The following LMBR1 variants were observed in gnomAD, a reference collection of about 807,000 sequenced individuals.
LMBR1 encodes the protein limb development membrane protein 1, also known as limb region 1 protein homolog.
Under a neutral mutation model 73.9 loss-of-function variants are expected in LMBR1, and 52 were observed. The observed-to-expected ratio is 0.70, with a 90% CI of 0.56 to 0.89. The LOEUF (loss-of-function observed/expected upper bound fraction) is 0.89, where lower values mean the gene tolerates loss of function less well. LMBR1 is among the 40% of genes least tolerant of loss of function. The pLI, the probability that LMBR1 is intolerant of heterozygous loss-of-function variation, is 0.00. For missense variants in LMBR1, 539 were observed against 579.8 expected (o/e 0.93, Z 0.72); for synonymous variants, 215 against 209.4 (o/e 1.03, Z -0.23).
intron 1 of LMBR1, among the ~76,000 whole-genome samples, chr7:156,852,840 T>C (rs910541896): frequency 2.6e-5 from 4 of 152,192 alleles, no homozygotes; most frequent in South Asian, 2.1e-4. Flanking sequence ...AGTGCCAACG[T>C]TGAGAAACTC....
At chr7:156,752,255 C>T (rs1291916927) in intron 9 of LMBR1, among the ~76,000 whole-genome samples, 1 of 152,164 alleles carries the variant, frequency 6.6e-6, no homozygotes, top group African/African-American at 2.4e-5. Flanking sequence ...ATGTGAAACC[C>T]ATGAGCACAC....
chr7:156,853,857 T>C (rs1403881346), intron 1 of LMBR1, among the ~76,000 whole-genome samples: 2 of 151,938 alleles, frequency 1.3e-5, no homozygotes, highest in Non-Finnish European at 2.9e-5. Context: ...GGCTTCATCA[T>C]GTTGGCCAGG....
intron 1 of LMBR1, among the ~76,000 whole-genome samples, chr7:156,860,130 A>G (rs1441148360): frequency 1.3e-5 from 2 of 152,162 alleles, no homozygotes; most frequent in Non-Finnish European, 2.9e-5. Context: ...ATTAACTCAA[A>G]ATAGATTGTA....
chr7:156,745,559 C>T (rs1393897226), intron 9 of LMBR1, among the ~76,000 whole-genome samples: 1 of 152,172 alleles, frequency 6.6e-6, no homozygotes, highest in Non-Finnish European at 1.5e-5. Flanking sequence ...AAAGAGTGGT[C>T]CTTTCTCAAA....
In LMBR1 at chr7:156,685,410, T is replaced by C. The variant is rs1805797018; in HGVS notation, c.1388-1247A>G. On this transcript the variant is annotated intron_variant, in intron 16 of 16. Coordinates refer to ENST00000353442, the MANE Select transcript of LMBR1 (RefSeq NM_022458.4). This position sits in a 1 kb window ranked among gnomAD's most constrained non-coding sequence, Gnocchi z 4.1. ...ATGCGCTGTCGAGCGATTCTGTCGC[T>C]GTGATGCCATCATAGAGTGTATCTA... 6.6e-6 allele frequency among the ~76,000 whole-genome samples: 1 copy of C among 152,234 alleles called. No homozygotes were observed. Among genetic ancestry groups the C allele is most frequent in the Admixed American group, 6.5e-5 (1 of 15,280 alleles).
chr7:156,810,950 AC>A (rs1832988358), intron 4 of LMBR1, among the ~76,000 whole-genome samples: 2 of 151,102 alleles, frequency 1.3e-5, no homozygotes, highest in Non-Finnish European at 3.0e-5. Context: ...AGCTGAGTCT[AC>A]AGGCATGCAC....
intron 4 of LMBR1, among the ~76,000 whole-genome samples, chr7:156,796,878 CATTTA>C (rs1563382105): frequency 2.6e-5 from 4 of 152,124 alleles, no homozygotes; most frequent in Non-Finnish European, 4.4e-5. Flanking sequence ...TGCATAATCC[CATTTA>C]ATTTAAGCCT....
At chr7:156,767,120 G>A (rs1824234949) in intron 5 of LMBR1, among the ~76,000 whole-genome samples, 1 of 152,116 alleles carries the variant, frequency 6.6e-6, no homozygotes, top group South Asian at 2.1e-4. Context: ...GAAAAAAGAT[G>A]ATGGGGTAAA....
At chr7:156,842,146 A>G (rs1838818621) in intron 1 of LMBR1, among the ~76,000 whole-genome samples, 1 of 150,902 alleles carries the variant, frequency 6.6e-6, no homozygotes, top group South Asian at 2.1e-4. Context: ...AGTTCATCAA[A>G]TCAGATACAT....
At chr7:156,689,724 A>G (rs560469638) in intron 15 of LMBR1, among the ~76,000 whole-genome samples, 4 of 152,376 alleles carry the variant, frequency 2.6e-5, no homozygotes, top group Non-Finnish European at 5.9e-5. Flanking sequence ...AGACACCAGA[A>G]GAGTACACAG....
At chr7:156,715,548 AG>A (rs1813027187) in intron 15 of LMBR1, among the ~76,000 whole-genome samples, 1 of 152,344 alleles carries the variant, frequency 6.6e-6, no homozygotes, top group East Asian at 1.9e-4. Flanking sequence ...GTTCAGTGAT[AG>A]GAAGTATATT....
intron 9 of LMBR1, among the ~76,000 whole-genome samples, chr7:156,754,116 T>C (rs1354598677): frequency 6.6e-6 from 1 of 152,198 alleles, no homozygotes; most frequent in Non-Finnish European, 1.5e-5. Context: ...GATGGCTTAT[T>C]CAGGATACCA....
chr7:156,830,404 C>T (rs1297471635), intron 3 of LMBR1, among the ~76,000 whole-genome samples: 1 of 152,064 alleles, frequency 6.6e-6, no homozygotes, highest in Non-Finnish European at 1.5e-5. Context: ...TAAAGTTTAA[C>T]AGGTTGATAA....
intron 9 of LMBR1, among the ~76,000 whole-genome samples, chr7:156,749,412 A>C (rs1234596994): frequency 6.6e-6 from 1 of 152,184 alleles, no homozygotes; most frequent in Non-Finnish European, 1.5e-5. Context: ...AAGCAACCAT[A>C]AATGCCACCC....
chr7:156,724,750 G>C (rs879666179), intron 14 of LMBR1, among the ~76,000 whole-genome samples: 5 of 143,192 alleles, frequency 3.5e-5, no homozygotes, highest in Non-Finnish European at 7.5e-5. Context: ...TACTTATTAA[G>C]TTTAAAGAAA....
intron 15 of LMBR1, among the ~76,000 whole-genome samples, chr7:156,703,678 G>C (rs1372886158): frequency 1.3e-5 from 2 of 152,102 alleles, no homozygotes; most frequent in African/African-American, 4.8e-5. Flanking sequence ...TTTCCCAGGG[G>C]CTTGGGGGCT....
intron 5 of LMBR1, among the ~76,000 whole-genome samples, chr7:156,794,962 C>G (rs1829849178): frequency 6.6e-6 from 1 of 152,146 alleles, no homozygotes; most frequent in Admixed American, 6.5e-5. Flanking sequence ...TTTCAAAAAT[C>G]CTATTCTGGC....
intron 1 of LMBR1, among the ~76,000 whole-genome samples, chr7:156,844,455 G>C (rs933845918): frequency 6.6e-6 from 1 of 152,098 alleles, no homozygotes; most frequent in African/African-American, 2.4e-5. Context: ...CTCTAAAGTT[G>C]TAAGTCTCTT....
intron 4 of LMBR1, among the ~76,000 whole-genome samples, chr7:156,820,799 G>A: frequency 6.6e-6 from 1 of 152,180 alleles, no homozygotes; most frequent in East Asian, 1.9e-4. Flanking sequence ...CAGAAGGAGG[G>A]AAGGCTCTGC....
Sources: gnomAD v4.1 joint callset for allele counts (sites outside exome capture counted in the v4.1 genomes callset) on GRCh38, gnomAD v4.1.1 for gene constraint, Gnocchi (gnomAD v3.1) non-coding constraint, MANE v1.5 for transcripts, NCBI Gene and HGNC (gene_info 2026-07-23, HGNC 2026-07-21) for gene names.